CHRM3: variants seen among roughly 807,000 people sequenced by gnomAD.
CHRM3 encodes cholinergic receptor muscarinic 3.
CHRM3 carries 11 observed loss-of-function variants against 41.8 expected under a neutral mutation model. The ratio of observed to expected loss-of-function variants is 0.26; its 90% CI spans 0.17 to 0.44. CHRM3 has a LOEUF of 0.44. Among genes scored for constraint, CHRM3 ranks in the 20% least tolerant of loss-of-function variants. The probability of loss-of-function intolerance (pLI) is 1.00; values close to 1 mark genes in which losing one functional copy is unlikely to be tolerated. For synonymous variants in CHRM3, 297 were observed against 301.4 expected (o/e 0.99, Z 0.15); for missense variants, 571 against 745.4 (o/e 0.77, Z 2.72).
chr1:239,567,459 ATT>A (rs769695142), intron 3 of CHRM3, among the ~76,000 whole-genome samples: 3 of 152,160 alleles, frequency 2.0e-5, no homozygotes, highest in Non-Finnish European at 4.4e-5. Flanking sequence ...TGATAGATGC[ATT>A]TTTTTCTCAA....
rs551981926 is a variant in CHRM3, at chr1:239,501,266, G to A, written c.-422+8459G>A. On this transcript the variant is annotated intron_variant, in intron 2 of 6. Coordinates refer to ENST00000676153, the MANE Select transcript of CHRM3 (RefSeq NM_001375978.1). ...AAACAATGGATTTAAACTATAGCTT[G>A]AACAAATGGACTTAACAGATACATA... Among the ~76,000 whole-genome samples the A allele has an allele frequency of 3.3e-5, 5 of 152,252 alleles. No individual in the cohort carries two copies. The South Asian group carries it at 6.2e-4, about 19-fold the overall frequency.
intron 5 of CHRM3, among the ~76,000 whole-genome samples, chr1:239,741,997 C>T (rs939156108): frequency 1.3e-5 from 2 of 152,142 alleles, no homozygotes; most frequent in Non-Finnish European, 2.9e-5. Context: ...CCTCCCGTTA[C>T]TGTCCTCTCA....
At chr1:239,737,083 A>G (rs1384062872) in intron 5 of CHRM3, among the ~76,000 whole-genome samples, 3 of 152,196 alleles carry the variant, frequency 2.0e-5, no homozygotes, top group East Asian at 1.9e-4. Flanking sequence ...GTGACTTAAT[A>G]TCAACATTTT....
chr1:239,664,848 A>G (rs370570511), intron 4 of CHRM3, among the ~76,000 whole-genome samples: 88 of 152,148 alleles, frequency 5.8e-4, no homozygotes, highest in African/African-American at 1.9e-3. Flanking sequence ...CTTCTTGTCT[A>G]CTTTTCACCA....
chr1:239,554,512 C>A (rs1211085831), intron 3 of CHRM3, among the ~76,000 whole-genome samples: 1 of 151,804 alleles, frequency 6.6e-6, no homozygotes. Context: ...AAAGAGTGAT[C>A]ATTAAATATA....
rs922276756 is a variant in CHRM3, at chr1:239,682,940, A to G, written c.-147+4652A>G. Reference sequence around the variant, plus strand: ...ACATGTGTACATTGTATAAAAATTTAATTAGGCTATTTAGCATATCATGTC... The same window carrying G: ...ACATGTGTACATTGTATAAAAATTTGATTAGGCTATTTAGCATATCATGTC... On this transcript the variant is annotated intron_variant, in intron 5 of 6. Transcript: ENST00000676153. 5.3e-5 allele frequency among the ~76,000 whole-genome samples: 8 copies of G among 152,154 alleles called. No homozygotes were observed. The East Asian group carries it at 1.5e-3, about 29-fold the overall frequency.
At chr1:239,618,159 T>C (rs1022134794) in intron 3 of CHRM3, among the ~76,000 whole-genome samples, 1 of 151,908 alleles carries the variant, frequency 6.6e-6, no homozygotes, top group Non-Finnish European at 1.5e-5. Context: ...TCTTAATGTG[T>C]ATCTGTCTGG....
chr1:239,630,872 G>GAC (rs77777776), intron 3 of CHRM3, among the ~76,000 whole-genome samples: 96,944 of 151,010 alleles, frequency 0.64, 31,529 homozygotes, highest in East Asian at 0.84. Flanking sequence ...CCTTCCATAA[G>GAC]ACACTTCTCA....
At chr1:239,822,904 T>C (rs564469926) in intron 5 of CHRM3, among the ~76,000 whole-genome samples, 47 of 152,298 alleles carry the variant, frequency 3.1e-4, no homozygotes, top group Non-Finnish European at 5.1e-4. Context: ...ATAAAAGATA[T>C]GTGTTGAGAC....
intron 6 of CHRM3, among the ~76,000 whole-genome samples, chr1:239,893,563 C>T (rs181815854): frequency 1.3e-5 from 2 of 152,166 alleles, no homozygotes; most frequent in African/African-American, 2.4e-5. Flanking sequence ...GTCCCCACCT[C>T]GTATGGCTAT....
At chr1:239,783,205 A>G (rs1208510369) in intron 5 of CHRM3, among the ~76,000 whole-genome samples, 2 of 152,010 alleles carry the variant, frequency 1.3e-5, no homozygotes, top group Non-Finnish European at 2.9e-5. Flanking sequence ...GTCTCCAGCT[A>G]TAATATTGGA....
chr1:239,448,757 A>G (rs1309890800), intron 1 of CHRM3, among the ~76,000 whole-genome samples: 1 of 152,188 alleles, frequency 6.6e-6, no homozygotes, highest in African/African-American at 2.4e-5. Flanking sequence ...TCATTACTAT[A>G]AAGCACCCAT....
At chr1:239,798,314 A>G (rs1669955865) in intron 5 of CHRM3, among the ~76,000 whole-genome samples, 1 of 152,146 alleles carries the variant, frequency 6.6e-6, no homozygotes, top group African/African-American at 2.4e-5. Flanking sequence ...GGGAGTCAAA[A>G]GTTATATGTG....
chr1:239,408,903 T>C (rs1486375948), intron 1 of CHRM3, among the ~76,000 whole-genome samples: 1 of 152,056 alleles, frequency 6.6e-6, no homozygotes. Context: ...TTTATAGGCG[T>C]GACCTACTAT....
At chr1:239,839,872 A>G (rs1023638504) in intron 6 of CHRM3, among the ~76,000 whole-genome samples, 13 of 152,130 alleles carry the variant, frequency 8.5e-5, no homozygotes, top group Non-Finnish European at 1.8e-4. Flanking sequence ...TGAAGGAAAG[A>G]AAGGAAGAAA....
chr1:239,458,337 C>G (rs951700673), intron 1 of CHRM3, among the ~76,000 whole-genome samples: 7 of 152,068 alleles, frequency 4.6e-5, no homozygotes, highest in African/African-American at 1.7e-4. Flanking sequence ...TACAAAAGCC[C>G]ATATTTTTAA....
chr1:239,708,516 C>T (rs1034674629), intron 5 of CHRM3, among the ~76,000 whole-genome samples: 9 of 152,104 alleles, frequency 5.9e-5, no homozygotes, highest in African/African-American at 1.4e-4. Flanking sequence ...AACTATCCTA[C>T]GTAAAAGAAC....
intron 2 of CHRM3, among the ~76,000 whole-genome samples, chr1:239,527,343 A>G (rs960154138): frequency 2.7e-5 from 4 of 149,284 alleles, no homozygotes; most frequent in African/African-American, 9.8e-5. Flanking sequence ...GCTGTTGACC[A>G]TGTTTTATGA....
At position 239,813,146 on chromosome 1, in the gene CHRM3, C is replaced by T. The variant is rs184367306; in HGVS notation, c.-146-14106C>T. Among the ~76,000 whole-genome samples, 589 of 152,186 alleles carry T rather than the reference C, an allele frequency of 3.9e-3. 3 individuals carry two copies. The highest frequency in any genetic ancestry group is 8.7e-3 in the South Asian group (42 of 4,816). ...TACAAAAATTACCCTGACGTGGTGG[C>T]GGGTGCCTGTAATCCCAGCTACTTG... On this transcript the variant is annotated intron_variant, in intron 5 of 6. Coordinates refer to ENST00000676153, the MANE Select transcript of CHRM3 (RefSeq NM_001375978.1).
Sources: gnomAD v4.1 joint callset for allele counts (sites outside exome capture counted in the v4.1 genomes callset) on GRCh38, gnomAD v4.1.1 for gene constraint, MANE v1.5 for transcripts, NCBI Gene and HGNC (gene_info 2026-07-23, HGNC 2026-07-21) for gene names.